The following CCNY variants were observed in gnomAD, a reference collection of about 807,000 sequenced individuals.
CCNY encodes the protein cyclin Y.
In CCNY, 19 loss-of-function variants were observed where a neutral mutation model predicts 42.8. The observed-to-expected ratio is 0.44, with a 90% CI of 0.31 to 0.65. The LOEUF is 0.65. Among genes scored for constraint, CCNY ranks in the 30% least tolerant of loss-of-function variants. The pLI, the probability that CCNY is intolerant of heterozygous loss-of-function variation, is 0.07. For missense variants in CCNY, 370 were observed against 437.3 expected (o/e 0.85, Z 1.37); for synonymous variants, 165 against 162.7 (o/e 1.01, Z -0.11).
At chr10:35,355,053 T>G (rs1297530714) in intron 1 of CCNY, among the ~76,000 whole-genome samples, 4 of 152,174 alleles carry the variant, frequency 2.6e-5, no homozygotes, top group Non-Finnish European at 5.9e-5. Context: ...AGGATTGAGT[T>G]TCCTTTGCCC....
intron 1 of CCNY, among the ~76,000 whole-genome samples, chr10:35,443,418 G>T (rs1259822624): frequency 6.6e-6 from 1 of 151,934 alleles, no homozygotes; most frequent in Non-Finnish European, 1.5e-5. Context: ...CTGTTTTCTG[G>T]TTTAAAATTT....
At chr10:35,422,789 C>T (rs1361862185) in intron 1 of CCNY, among the ~76,000 whole-genome samples, 1 of 152,098 alleles carries the variant, frequency 6.6e-6, no homozygotes, top group Non-Finnish European at 1.5e-5. Flanking sequence ...GCATTAGTTA[C>T]GTGTTAGGAT....
At chr10:35,458,511 A>C (rs1839085915) in intron 1 of CCNY, among the ~76,000 whole-genome samples, 1 of 152,244 alleles carries the variant, frequency 6.6e-6, no homozygotes, top group Non-Finnish European at 1.5e-5. Flanking sequence ...GCACCTTAGT[A>C]TTCCCATTCT....
chr10:35,381,047 G>A (rs1440935040), intron 1 of CCNY, among the ~76,000 whole-genome samples: 1 of 152,164 alleles, frequency 6.6e-6, no homozygotes, highest in African/African-American at 2.4e-5. Flanking sequence ...TGGTGATGAG[G>A]GGTGCATTGT....
At chr10:35,538,130 C>T (rs1840923901) in intron 7 of CCNY, among the ~76,000 whole-genome samples, 1 of 152,178 alleles carries the variant, frequency 6.6e-6, no homozygotes, top group Admixed American at 6.5e-5. Context: ...TGCCTGCTGC[C>T]ATCCATGTAA....
intron 1 of CCNY, among the ~76,000 whole-genome samples, chr10:35,379,051 G>GC (rs1383849674): frequency 1.3e-5 from 2 of 152,210 alleles, no homozygotes; most frequent in Non-Finnish European, 2.9e-5. Context: ...TTTGGGAAAT[G>GC]CTGTTGCCAC....
intron 3 of CCNY, among the ~76,000 whole-genome samples, chr10:35,311,688 C>T (rs866413200): frequency 6.7e-6 from 1 of 149,844 alleles, no homozygotes; most frequent in Non-Finnish European, 1.5e-5. Context: ...CCCCACCCCC[C>T]CAAAAAAAAG....
At chr10:35,272,548 G>A (rs1232439658) in intron 3 of CCNY, among the ~76,000 whole-genome samples, 3 of 152,292 alleles carry the variant, frequency 2.0e-5, no homozygotes, top group South Asian at 4.1e-4. Flanking sequence ...GCGTTAGTTT[G>A]CTAAGGATAA....
chr10:35,484,620 C>G (rs1398550507), intron 2 of CCNY, among the ~76,000 whole-genome samples: 1 of 151,654 alleles, frequency 6.6e-6, no homozygotes, highest in African/African-American at 2.4e-5. Context: ...AGCAGGAAGC[C>G]ATTGGGAGGG....
At chr10:35,466,899 A>G (rs1260270621) in intron 1 of CCNY, among the ~76,000 whole-genome samples, 1 of 152,206 alleles carries the variant, frequency 6.6e-6, no homozygotes, top group South Asian at 2.1e-4. Context: ...CAGCCTCCCT[A>G]GTAGTTGGGA....
rs117667964 is a variant in CCNY, at chr10:35,444,733, A to T, written c.155-38671A>T. ...CAAAACGTTACGCAGTGCATGACTGAATTTTTGTTTTAAAATTTTTTGCAA... is the reference window on the plus strand; with the variant it reads ...CAAAACGTTACGCAGTGCATGACTGTATTTTTGTTTTAAAATTTTTTGCAA... On this transcript the variant is annotated intron_variant, in intron 1 of 9. Transcript: ENST00000374704. 5.0e-3 allele frequency among the ~76,000 whole-genome samples: 758 copies of T among 152,372 alleles called. 6 individuals carry two copies. The highest frequency in any genetic ancestry group is 0.01 in the Middle Eastern group (3 of 294).
At chr10:35,544,821 G>A (rs772713618) in intron 7 of CCNY, among the ~76,000 whole-genome samples, 28 of 152,228 alleles carry the variant, frequency 1.8e-4, no homozygotes, top group South Asian at 2.1e-4. Flanking sequence ...CCCAGAAGCA[G>A]CCTGTTCTGA....
intron 7 of CCNY, among the ~76,000 whole-genome samples, chr10:35,542,380 A>G (rs1381876633): frequency 6.6e-6 from 1 of 151,956 alleles, no homozygotes; most frequent in Non-Finnish European, 1.5e-5. Context: ...ATGACTATTG[A>G]TGATAACCTT....
intron 1 of CCNY, among the ~76,000 whole-genome samples, chr10:35,364,524 T>G (rs2135162304): frequency 6.6e-6 from 1 of 152,354 alleles, no homozygotes. Context: ...TGGGGGCACA[T>G]ATGCCAGTAG....
chr10:35,480,110 G>C (rs1839633393), intron 1 of CCNY, among the ~76,000 whole-genome samples: 1 of 152,050 alleles, frequency 6.6e-6, no homozygotes, highest in African/African-American at 2.4e-5. Context: ...TTTCACATCA[G>C]ACACTGGTCT....
At chr10:35,473,355 G>C (rs1263693424) in intron 1 of CCNY, among the ~76,000 whole-genome samples, 5 of 152,224 alleles carry the variant, frequency 3.3e-5, no homozygotes, top group Non-Finnish European at 2.9e-5. Flanking sequence ...GCAGTAGTTT[G>C]TGTTACAATG....
intron 1 of CCNY, among the ~76,000 whole-genome samples, chr10:35,470,524 G>A (rs1006797809): frequency 1.3e-5 from 2 of 152,234 alleles, no homozygotes; most frequent in African/African-American, 2.4e-5. Flanking sequence ...GAGATCACCT[G>A]CAGGGGCACC....
intron 1 of CCNY, among the ~76,000 whole-genome samples, chr10:35,455,883 A>G (rs983966727): frequency 7.3e-5 from 11 of 149,684 alleles, no homozygotes; most frequent in South Asian, 4.2e-4. Context: ...TAATGGCACA[A>G]TCATAGCTCA....
intron 1 of CCNY, among the ~76,000 whole-genome samples, chr10:35,381,960 A>G (rs1230676794): frequency 6.6e-6 from 1 of 152,244 alleles, no homozygotes; most frequent in African/African-American, 2.4e-5. Flanking sequence ...TATCACATTT[A>G]AGACAGTTGT....
Sources: allele counts gnomAD v4.1 joint callset (sites outside exome capture counted in the v4.1 genomes callset), GRCh38; gene constraint gnomAD v4.1.1; transcripts MANE v1.5; gene names NCBI Gene and HGNC (gene_info 2026-07-23, HGNC 2026-07-21).